The following MIP variants were observed in gnomAD, a reference collection of about 807,000 sequenced individuals.
MIP encodes major intrinsic protein of lens fiber.
MIP carries 14 observed loss-of-function variants against 21.8 expected under a neutral mutation model. The ratio of observed to expected loss-of-function variants is 0.64; its 90% CI spans 0.42 to 1.00. MIP has a LOEUF of 1.00. MIP is among the 50% of genes least tolerant of loss of function. The pLI, the probability that MIP is intolerant of heterozygous loss-of-function variation, is 0.00. For synonymous variants in MIP, 133 were observed against 141.4 expected (o/e 0.94, Z 0.42); for missense variants, 260 against 333.5 (o/e 0.78, Z 1.72).
Position 56,454,553 on chromosome 12 carries a change from G to C in MIP, c.61C>G (p.Leu21Val). 2 of 1,613,998 alleles carry C rather than the reference G, an allele frequency of 1.2e-6. No homozygotes were observed. Among genetic ancestry groups the C allele is most frequent in the Non-Finnish European group, 1.7e-6 (2 of 1,179,932 alleles). The change falls in exon 1 of 4, where the codon CTC becomes GTC. Residue 21 changes from leucine (L) to valine (V), a missense_variant. Transcript: ENST00000652304. ...CCCAGCCCAAAGAAGACATAGAAGAGGGTGGCAAAGAACTCAGCGAATATG... is the reference window on the plus strand; with the variant it reads ...CCCAGCCCAAAGAAGACATAGAAGACGGTGGCAAAGAACTCAGCGAATATG... ...RAIFAEFFAT[L>V]FYVFFGLGSS...
chr12:56,452,844 A>G lies in MIP; in HGVS notation c.606+228T>C, dbSNP rs547097814. 41 of 584,702 alleles carry G rather than the reference A, an allele frequency of 7.0e-5. No homozygotes were observed. In the South Asian group the frequency reaches 7.9e-4, roughly 11 times the overall value. The allele number at this position is 584,702 out of a possible 1,614,324, so 36.2% of individuals were successfully genotyped here. On this transcript the variant is annotated intron_variant, in intron 3 of 3. Transcript: ENST00000652304. ...TCAGCAACCAGTGAATACTCAGTGCATACTCCCTGACTAACCAGAGAAGGA... is the reference window on the plus strand; with the variant it reads ...TCAGCAACCAGTGAATACTCAGTGCGTACTCCCTGACTAACCAGAGAAGGA...
In MIP at chr12:56,450,370, A is replaced by AG. The variant is rs1324844650; in HGVS notation, c.*909dup. 4 of 152,206 alleles carry AG rather than the reference A, an allele frequency of 2.6e-5. No homozygotes were observed. The highest frequency in any genetic ancestry group is 4.4e-5 in the Non-Finnish European group (3 of 68,064). The allele number at this position is 152,206 out of a possible 1,614,324, so 9.4% of individuals were successfully genotyped here. A position where few individuals can be genotyped will look rare whatever the true frequency, so the allele number is the denominator to read the frequency against. On this transcript the variant is annotated 3_prime_UTR_variant, in exon 4 of 4. Transcript: ENST00000652304. ...GAATCAGATTTCCTGTGTTGGCCTTAGGGAACAATTGTGGGGCTTAAATAC... is the reference window on the plus strand; with the variant it reads ...GAATCAGATTTCCTGTGTTGGCCTTAGGGGAACAATTGTGGGGCTTAAATAC...
At chr12:56,451,666 A>G (rs931570683) in intron 3 of MIP, among the ~76,000 whole-genome samples, 1 of 152,146 alleles carries the variant, frequency 6.6e-6, no homozygotes, top group Admixed American at 6.5e-5. Flanking sequence ...ATCAATTTGC[A>G]CTAGTTTGTA....
At position 56,453,740 on chromosome 12, in the gene MIP, T is replaced by C. The variant is rs755958105; in HGVS notation, c.376A>G (p.Ser126Gly). ...LALNTLHPAVSVGQATTVEIF... is the reference protein window; with the variant it reads ...LALNTLHPAVGVGQATTVEIF... Reference sequence around the variant, plus strand: ...TCCACTGTGGTTGCCTGGCCCACGCTCACCGCAGGGTGCAACTGTGCAAAG... The same window carrying C: ...TCCACTGTGGTTGCCTGGCCCACGCCCACCGCAGGGTGCAACTGTGCAAAG... Residue 126 changes from serine to glycine, a missense_variant, in exon 2 of 4, where the codon AGC (serine) becomes GGC (glycine). Ser to Gly is a moderately conservative substitution (Grantham distance 56, BLOSUM62 0). Transcript: ENST00000652304. 9 of 1,613,848 alleles carry C rather than the reference T, an allele frequency of 5.6e-6. No homozygotes were observed. Among genetic ancestry groups the C allele is most frequent in the Non-Finnish European group, 7.6e-6 (9 of 1,179,920 alleles).
chr12:56,455,938 A>T (rs573086515), upstream of MIP, among the ~76,000 whole-genome samples: 2 of 152,138 alleles, frequency 1.3e-5, no homozygotes, highest in South Asian at 4.2e-4. Context: ...TCCTCATAAT[A>T]CCCAGCTTGG....
At chr12:56,452,855 C>G (rs1868662301) in intron 3 of MIP, 3 of 601,394 alleles carry the variant, frequency 5.0e-6, no homozygotes, top group Non-Finnish European at 6.0e-6. Flanking sequence ...TACTCCCTGA[C>G]TAACCAGAGA....
At position 56,449,540 on chromosome 12, in the gene MIP, A is replaced by G. The variant is rs974078536; in HGVS notation, c.*1740T>C. On this transcript the variant is annotated 3_prime_UTR_variant, in exon 4 of 4. Transcript: ENST00000652304. ...CTGTTTTATGTGAGGTCGATCTAAA[A>G]ATCACAGCGCTATGAATTTTCTGCT... The G allele has an allele frequency of 1.2e-4, 19 of 152,386 alleles. 1 individual carries two copies. In the East Asian group the frequency reaches 3.7e-3, roughly 29 times the overall value. 9.4% of individuals were successfully genotyped at this position (152,386 alleles called of 1,614,324 possible).
At chr12:56,453,511 C>G in intron 2 of MIP, 80 bp downstream of exon 2, 2 of 1,486,048 alleles carry the variant, frequency 1.3e-6, no homozygotes, top group South Asian at 1.1e-5. Context: ...GTGAAGTAGG[C>G]AGGAAGAACC....
rs1305590613 is a variant in MIP at position 56,450,967 on chromosome 12, T to C, written c.*313A>G. On this transcript the variant is annotated 3_prime_UTR_variant, in exon 4 of 4. Coordinates refer to ENST00000652304, the MANE Select transcript of MIP (RefSeq NM_012064.4). The stretch of plus-strand genomic sequence containing the variant: ...AGGAAGGGAGGTATAGGATGGCACC[T>C]CTTTTTGCTTCCTTAGCTCTCATGC... 4 of 384,222 alleles carry C rather than the reference T, an allele frequency of 1.0e-5. No homozygotes were observed. Among genetic ancestry groups the C allele is most frequent in the Non-Finnish European group, 1.9e-5 (4 of 206,414 alleles). 23.8% of individuals were successfully genotyped at this position (384,222 alleles called of 1,614,324 possible).
In MIP at chr12:56,454,628, T is replaced by C; in HGVS notation, c.-15A>G. On this transcript the variant is annotated 5_prime_UTR_variant, in exon 1 of 4. An upstream open reading frame in the 5' UTR loses its in-frame stop. Coordinates refer to ENST00000652304, the MANE Select transcript of MIP (RefSeq NM_012064.4). ...AGTTCCCACATGGCAGGGGGGATGG[T>C]CACAGTGCCTGGGTCCCTGCTACCC... 6.2e-7 allele frequency: 1 copy of C among 1,613,236 alleles called. No individual in the cohort carries two copies. Among genetic ancestry groups the C allele is most frequent in the Non-Finnish European group, 8.5e-7 (1 of 1,179,854 alleles).
chr12:56,454,643 C>G lies in MIP; in HGVS notation c.-30G>C, dbSNP rs760155571. ...GGGGGGATGGTCACAGTGCCTGGGT[C>G]CCTGCTACCCCCATGGCCTTGTCTG... is the stretch of plus-strand genomic sequence containing the variant. On this transcript the variant is annotated 5_prime_UTR_variant, in exon 1 of 4. Transcript: ENST00000652304. 6.2e-7 allele frequency: 1 copy of G among 1,612,754 alleles called. No homozygotes were observed. The highest frequency in any genetic ancestry group is 8.5e-7 in the Non-Finnish European group (1 of 1,179,822).
In MIP at chr12:56,454,648, C is replaced by T. The variant is rs1868740629; in HGVS notation, c.-35G>A. ...GATGGTCACAGTGCCTGGGTCCCTGCTACCCCCATGGCCTTGTCTGGGTGG... is the reference window on the plus strand; with the variant it reads ...GATGGTCACAGTGCCTGGGTCCCTGTTACCCCCATGGCCTTGTCTGGGTGG... On this transcript the variant is annotated 5_prime_UTR_variant, in exon 1 of 4. Transcript: ENST00000652304. 11 of 1,612,636 alleles carry T rather than the reference C, an allele frequency of 6.8e-6. No homozygotes were observed. Among genetic ancestry groups the T allele is most frequent in the Middle Eastern group, 1.9e-4 (1 of 5,162 alleles).
At chr12:56,453,334 G>A (rs144685585) in intron 2 of MIP, among the ~76,000 whole-genome samples, 182 bp from the exon 3 acceptor site, 1 of 152,266 alleles carries the variant, frequency 6.6e-6, no homozygotes, top group East Asian at 1.9e-4. Flanking sequence ...TGCCCTGTCT[G>A]GGAACAGACT....
intron 3 of MIP, 21 bp downstream of exon 3, chr12:56,453,051 T>C (rs1360333301): frequency 1.3e-6 from 2 of 1,538,494 alleles, no homozygotes; most frequent in East Asian, 2.2e-5. Flanking sequence ...TTCAGGATCT[T>C]GCCCCTCTCC....
rs751550655 is a variant in MIP, at chr12:56,453,635, C to A, written c.481G>T (p.Ala161Ser). ...GCAAGGGAGAAGCCAACGGCCAGGG[C>A]CACGGAGCCCAGTTGGCCATTCCGC... ...ERRNGQLGSVALAVGFSLALG... is the reference protein window; with the variant it reads ...ERRNGQLGSVSLAVGFSLALG... The change falls in exon 2 of 4, where the codon GCC becomes TCC. Residue 161 changes from alanine to serine, a missense_variant. Transcript: ENST00000652304. 4 of 1,614,252 alleles carry A rather than the reference C, an allele frequency of 2.5e-6. No homozygotes were observed. The highest frequency in any genetic ancestry group is 3.4e-6 in the Non-Finnish European group (4 of 1,180,050).
At chr12:56,452,397 T>C (rs1868649174) in intron 3 of MIP, among the ~76,000 whole-genome samples, 1 of 152,242 alleles carries the variant, frequency 6.6e-6, no homozygotes. Flanking sequence ...TTTATGTATA[T>C]ACCACATTTT....
intron 3 of MIP, among the ~76,000 whole-genome samples, chr12:56,452,312 A>G (rs1868646325): frequency 6.6e-6 from 1 of 152,194 alleles, no homozygotes; most frequent in Non-Finnish European, 1.5e-5. Flanking sequence ...TTATTCACTT[A>G]GCATAATGTC....
chr12:56,453,479 T>C (rs1051050382), intron 2 of MIP, 112 bp downstream of exon 2: 10 of 1,208,272 alleles, frequency 8.3e-6, no homozygotes, highest in South Asian at 1.3e-5. Context: ...GAGAGTGCAA[T>C]GGACAATGTT....
In MIP at chr12:56,453,181, A is replaced by AC. The variant is rs528877909; in HGVS notation, c.526-30dup. On this transcript the variant is annotated intron_variant, in intron 2 of 3. Coordinates refer to ENST00000652304, the MANE Select transcript of MIP (RefSeq NM_012064.4). ...CAAAAGAGACAGTTGTAACTGAGAC[A>AC]CCCCCCTACTGCACCCCAGCTTCTC... 5.3e-3 allele frequency: 7,889 copies of AC among 1,499,296 alleles called. 39 individuals carry two copies. The highest frequency in any genetic ancestry group is 6.0e-3 in the Non-Finnish European group (6,468 of 1,075,910). 92.9% of individuals were successfully genotyped at this position (1,499,296 alleles called of 1,614,324 possible). A position where few individuals can be genotyped will look rare whatever the true frequency, so the allele number is the denominator to read the frequency against.
Sources: allele counts gnomAD v4.1 joint callset (sites outside exome capture counted in the v4.1 genomes callset), GRCh38; gene constraint gnomAD v4.1.1; transcripts MANE v1.5; gene names NCBI Gene and HGNC (gene_info 2026-07-23, HGNC 2026-07-21).